CRYBG1: variants seen among roughly 807,000 people sequenced by gnomAD.
CRYBG1 encodes beta/gamma crystallin domain-containing protein 1.
A neutral mutation model predicts 189.2 loss-of-function variants in CRYBG1; 139 were observed. That is an observed-to-expected ratio of 0.73 (90% CI 0.64 to 0.85). The LOEUF is 0.85. Ranked by LOEUF, CRYBG1 falls within the 40% of genes least tolerant of loss-of-function variation. CRYBG1 has a pLI of 0.00. For missense variants in CRYBG1, 2,611 were observed against 2,675.8 expected (o/e 0.98, Z 0.53); for synonymous variants, 1,023 against 1,017.1 (o/e 1.01, Z -0.11).
chr6:106,441,981 G>A (rs1422538301), intron 1 of CRYBG1, among the ~76,000 whole-genome samples: 1 of 152,150 alleles, frequency 6.6e-6, no homozygotes, highest in Non-Finnish European at 1.5e-5. Flanking sequence ...GTGTAGGAAT[G>A]TTTTAGAGGT....
chr6:106,567,025 T>C (rs910328781), intron 21 of CRYBG1, among the ~76,000 whole-genome samples: 1 of 152,188 alleles, frequency 6.6e-6, no homozygotes, highest in Non-Finnish European at 1.5e-5. Context: ...TTAAACACTC[T>C]CCAAAGGCAA....
intron 1 of CRYBG1, among the ~76,000 whole-genome samples, chr6:106,374,281 C>T (rs146019402): frequency 6.6e-5 from 10 of 152,182 alleles, no homozygotes; most frequent in East Asian, 5.8e-4. Context: ...CAGCCTGGCA[C>T]GGTGGCTCAT....
intron 2 of CRYBG1, among the ~76,000 whole-genome samples, chr6:106,477,022 T>C (rs1772346621): frequency 6.6e-6 from 1 of 152,188 alleles, no homozygotes. Flanking sequence ...CATAAGTATT[T>C]GGTATTGTTA....
chr6:106,465,331 C>T (rs1039864858), intron 2 of CRYBG1, among the ~76,000 whole-genome samples: 33 of 152,248 alleles, frequency 2.2e-4, no homozygotes, highest in African/African-American at 5.5e-4. Context: ...CTTCTCCAGA[C>T]GGCCTGTGAT....
chr6:106,472,601 A>G (rs184758160), intron 2 of CRYBG1, among the ~76,000 whole-genome samples: 180 of 148,682 alleles, frequency 1.2e-3, no homozygotes, highest in African/African-American at 4.2e-3. Flanking sequence ...AGCTTATTGA[A>G]AAGTATATTC....
rs73511048 is a variant in CRYBG1 at position 106,471,185 on chromosome 6, G to A, written c.312+19353G>A. 9.3e-3 allele frequency among the ~76,000 whole-genome samples: 1,409 copies of A among 152,286 alleles called. 22 individuals are homozygous for A. Among genetic ancestry groups the A allele is most frequent in the African/African-American group, 0.033 (1,357 of 41,554 alleles). On this transcript the variant is annotated intron_variant, in intron 2 of 21. Transcript: ENST00000633556. ...AGGGAAATTCATTGCATGATTTCTG[G>A]TCTTTAGAAAGGCTACCCAAGCTTG...
chr6:106,547,016 C>A (rs1000506934), intron 13 of CRYBG1, among the ~76,000 whole-genome samples: 2 of 152,172 alleles, frequency 1.3e-5, no homozygotes, highest in Non-Finnish European at 2.9e-5. Context: ...TCCTTTTTAA[C>A]CCAGGCCTTG....
intron 2 of CRYBG1, among the ~76,000 whole-genome samples, chr6:106,488,133 G>A (rs6902671): frequency 0.12 from 18,692 of 152,172 alleles, 1,329 homozygotes; most frequent in East Asian, 0.27. Flanking sequence ...CTATGACTGT[G>A]GTGGTATGGT....
chr6:106,393,440 C>G (rs1666967265), intron 1 of CRYBG1, among the ~76,000 whole-genome samples: 1 of 152,200 alleles, frequency 6.6e-6, no homozygotes, highest in African/African-American at 2.4e-5. Flanking sequence ...CCTCCTACAG[C>G]CGGCTTCCCA....
chr6:106,555,733 T>G (rs1282283370), intron 16 of CRYBG1, 35 bp from the exon 17 acceptor site: 1 of 1,610,018 alleles, frequency 6.2e-7, no homozygotes, highest in Admixed American at 1.7e-5. Flanking sequence ...TCAAGTTGCA[T>G]ATTCTGTGCA....
chr6:106,499,516 AAAT>A lies in CRYBG1; in HGVS notation c.313-11910_313-11908del, dbSNP rs869123113. ...ATTTAAATTTAAATGTTTAATTGAC[AAAT>A]AATTTTATATATGGGGTATAATGTG... is the stretch of plus-strand genomic sequence containing the variant. On this transcript the variant is annotated intron_variant, in intron 2 of 21. Coordinates refer to ENST00000633556, the MANE Select transcript of CRYBG1 (RefSeq NM_001371242.2). 6.5e-4 allele frequency among the ~76,000 whole-genome samples: 11 copies of A among 16,794 alleles called. No homozygotes were observed. The African/African-American group carries it at 7.9e-3, about 12-fold the overall frequency. The allele number at this position is 16,794 out of a possible 152,430, so 11.0% of individuals were successfully genotyped here.
intron 2 of CRYBG1, among the ~76,000 whole-genome samples, chr6:106,467,349 A>G (rs1330580409): frequency 4.6e-5 from 7 of 152,072 alleles, no homozygotes; most frequent in Non-Finnish European, 5.9e-5. Context: ...GTATGTACCT[A>G]TGTTCCCAGC....
At chr6:106,443,437 G>A (rs896824945) in intron 1 of CRYBG1, among the ~76,000 whole-genome samples, 2 of 152,218 alleles carry the variant, frequency 1.3e-5, no homozygotes, top group Admixed American at 6.5e-5. Flanking sequence ...CAGAATGAGA[G>A]AAATCTTTCC....
At chr6:106,389,907 A>C in intron 1 of CRYBG1, among the ~76,000 whole-genome samples, 1 of 152,118 alleles carries the variant, frequency 6.6e-6, no homozygotes, top group African/African-American at 2.4e-5. Flanking sequence ...TTAATATGAA[A>C]TATTAACTTT....
intron 1 of CRYBG1, among the ~76,000 whole-genome samples, chr6:106,413,851 T>C (rs1770975681): frequency 1.3e-5 from 2 of 152,192 alleles, no homozygotes; most frequent in South Asian, 4.1e-4. Context: ...AGAAACCACA[T>C]ACAATTGGAC....
intron 2 of CRYBG1, among the ~76,000 whole-genome samples, chr6:106,483,378 G>GTGTGTGTATATATATATATA (rs1347885031): frequency 8.8e-6 from 1 of 113,692 alleles, no homozygotes; most frequent in African/African-American, 2.7e-5. Context: ...GTGTGTGTGT[G>GTGTGTGTATATATATATATA]TATATATATA....
intron 1 of CRYBG1, among the ~76,000 whole-genome samples, chr6:106,432,952 G>C (rs1771362630): frequency 6.8e-6 from 1 of 146,938 alleles, no homozygotes; most frequent in Non-Finnish European, 1.5e-5. Context: ...CGATTCTCCT[G>C]CCTTAGACTC....
chr6:106,421,556 T>A (rs1476008296), intron 1 of CRYBG1, among the ~76,000 whole-genome samples: 1 of 152,090 alleles, frequency 6.6e-6, no homozygotes, highest in African/African-American at 2.4e-5. Context: ...GAGAGTAGGG[T>A]CTCTTCATGA....
chr6:106,559,807 C>A (rs575128749), intron 18 of CRYBG1, among the ~76,000 whole-genome samples: 1 of 151,378 alleles, frequency 6.6e-6, no homozygotes, highest in Admixed American at 6.6e-5. Context: ...TAAAAAAAAT[C>A]ACAGAAGCTG....
Sources: gnomAD v4.1 joint callset for allele counts (sites outside exome capture counted in the v4.1 genomes callset) on GRCh38, gnomAD v4.1.1 for gene constraint, MANE v1.5 for transcripts, NCBI Gene and HGNC (gene_info 2026-07-23, HGNC 2026-07-21) for gene names.